ATP8B1: variants seen among roughly 807,000 people sequenced by gnomAD.
ATP8B1 encodes phospholipid-transporting ATPase IC.
A neutral mutation model predicts 149.9 loss-of-function variants in ATP8B1; 80 were observed. That is an observed-to-expected ratio of 0.53 (90% CI 0.45 to 0.64). The LOEUF is 0.64. Ranked by LOEUF, ATP8B1 falls within the 30% of genes least tolerant of loss-of-function variation. ATP8B1 has a pLI of 0.00. For missense variants in ATP8B1, 1,247 were observed against 1,552.6 expected (o/e 0.80, Z 3.31); for synonymous variants, 536 against 562.8 (o/e 0.95, Z 0.67).
intron 12 of ATP8B1, 120 bp from the exon 13 acceptor site, chr18:57,688,627 T>A: frequency 9.8e-7 from 1 of 1,015,682 alleles, no homozygotes; most frequent in Non-Finnish European, 1.5e-6. Flanking sequence ...GGTCTGAATG[T>A]TAGAATCCCC....
chr18:57,706,442 G>T, intron 3 of ATP8B1, 48 bp downstream of exon 3: 1 of 1,543,436 alleles, frequency 6.5e-7, no homozygotes, highest in Non-Finnish European at 8.9e-7. Context: ...CCAGCTACTG[G>T]AAAAAACTGC....
chr18:57,732,307 ATGTGTGTATATATG>A (rs1568044425), intron 1 of ATP8B1, among the ~76,000 whole-genome samples: 18 of 25,518 alleles, frequency 7.1e-4, no homozygotes, highest in Admixed American at 1.2e-3. Flanking sequence ...ATGTGTATAT[ATGTGTGTATATATG>A]TGTATATATG....
intron 1 of ATP8B1, among the ~76,000 whole-genome samples, chr18:57,742,761 C>CTGCA (rs1458681300): frequency 2.0e-5 from 3 of 151,474 alleles, no homozygotes; most frequent in Non-Finnish European, 2.9e-5. Flanking sequence ...GAGCTCAAGG[C>CTGCA]TGCAGTGAGT....
In ATP8B1 at chr18:57,701,233, T is replaced by C; in HGVS notation, c.474A>G (p.Lys158=). 6.2e-7 allele frequency: 1 copy of C among 1,614,204 alleles called. No homozygotes were observed. The highest frequency in any genetic ancestry group is 8.5e-7 in the Non-Finnish European group (1 of 1,180,032). The part of the protein sequence containing the change: ...LLVVLGVTAI[K]DLVDDVARHK... Reference sequence around the variant, plus strand: ...TCCTCACCACATCGTCCACCAGGTCTTTGATTGCAGTGACGCCCAGCACCA... The same window carrying C: ...TCCTCACCACATCGTCCACCAGGTCCTTGATTGCAGTGACGCCCAGCACCA... Residue 158 remains lysine, a synonymous_variant, in exon 5 of 28, where the codon AAA becomes AAG. Coordinates refer to ENST00000648908, the MANE Select transcript of ATP8B1 (RefSeq NM_001374385.1).
chr18:57,674,378 A>G (rs1911455354), intron 16 of ATP8B1, among the ~76,000 whole-genome samples: 1 of 132,902 alleles, frequency 7.5e-6, no homozygotes, highest in African/African-American at 2.8e-5. Context: ...AGAAAACAAT[A>G]CCAGTTTCTT....
chr18:57,707,476 C>A (rs778664913), intron 2 of ATP8B1, among the ~76,000 whole-genome samples: 1 of 152,062 alleles, frequency 6.6e-6, no homozygotes, highest in African/African-American at 2.4e-5. Flanking sequence ...GAGTGTGGCA[C>A]AACTATTTTT....
chr18:57,753,357 A>T (rs1432937939), intron 1 of ATP8B1, among the ~76,000 whole-genome samples: 1 of 152,252 alleles, frequency 6.6e-6, no homozygotes, highest in African/African-American at 2.4e-5. Flanking sequence ...TAAAAACAAC[A>T]TTGGCCTTGG....
intron 1 of ATP8B1, among the ~76,000 whole-genome samples, chr18:57,759,178 A>G (rs1335697365): frequency 9.1e-5 from 12 of 132,594 alleles, no homozygotes; most frequent in Non-Finnish European, 1.7e-4. Context: ...AAAAAAAAAA[A>G]AAAAGAAATC....
intron 20 of ATP8B1, among the ~76,000 whole-genome samples, chr18:57,666,487 T>C (rs1208609372): frequency 1.3e-5 from 2 of 151,710 alleles, no homozygotes; most frequent in Admixed American, 6.6e-5. Context: ...ATTAATTTGC[T>C]AGCGATATTA....
At chr18:57,722,149 A>C (rs1448223364) in intron 2 of ATP8B1, among the ~76,000 whole-genome samples, 1 of 150,924 alleles carries the variant, frequency 6.6e-6, no homozygotes, top group African/African-American at 2.5e-5. Flanking sequence ...AAAGCAGGAA[A>C]GATCCAAAAT....
intron 1 of ATP8B1, among the ~76,000 whole-genome samples, chr18:57,747,858 T>C (rs1327914272): frequency 6.6e-6 from 1 of 152,230 alleles, no homozygotes; most frequent in East Asian, 1.9e-4. Flanking sequence ...CAACTTAGAT[T>C]ACAAACTCTT....
intron 20 of ATP8B1, among the ~76,000 whole-genome samples, chr18:57,665,065 A>G (rs1910769740): frequency 6.6e-6 from 1 of 151,810 alleles, no homozygotes; most frequent in Non-Finnish European, 1.5e-5. Context: ...CAGCTGAAAC[A>G]AGCAAGTGTC....
intron 1 of ATP8B1, among the ~76,000 whole-genome samples, chr18:57,778,067 A>G (rs940740303): frequency 6.6e-5 from 10 of 152,222 alleles, no homozygotes; most frequent in Non-Finnish European, 1.2e-4. Context: ...CAACAACAGA[A>G]GCATTTACCA....
intron 1 of ATP8B1, among the ~76,000 whole-genome samples, chr18:57,795,399 T>C (rs1377236492): frequency 6.6e-6 from 1 of 152,076 alleles, no homozygotes; most frequent in Non-Finnish European, 1.5e-5. Flanking sequence ...TGAGACCTTG[T>C]CTTAAAAAAA....
At chr18:57,711,460 A>T (rs1913683483) in intron 2 of ATP8B1, among the ~76,000 whole-genome samples, 1 of 152,260 alleles carries the variant, frequency 6.6e-6, no homozygotes, top group Non-Finnish European at 1.5e-5. Context: ...GCATATATGT[A>T]CACACACGTG....
rs1259418259 is a variant in ATP8B1, at chr18:57,674,947, A to C, written c.1706T>G (p.Phe569Cys). 1 of 1,614,252 alleles carries C rather than the reference A, an allele frequency of 6.2e-7. No homozygotes were observed. The highest frequency in any genetic ancestry group is 1.1e-5 in the South Asian group (1 of 91,082). ...GATGGTGTTCTGGGTCCTGGCGAGG[A>C]AGGCAAAGCCAAAGTTCCTGGCAGC... is the stretch of plus-strand genomic sequence containing the variant. ...VNAARNFGFA[F>C]LARTQNTITI... The change falls in exon 16 of 28, where the codon TTC becomes TGC. Residue 569 changes from phenylalanine (F) to cysteine (C), a missense_variant. Coordinates refer to ENST00000648908, the MANE Select transcript of ATP8B1 (RefSeq NM_001374385.1).
At chr18:57,678,469 C>A (rs539251326) in intron 15 of ATP8B1, among the ~76,000 whole-genome samples, 1 of 152,086 alleles carries the variant, frequency 6.6e-6, no homozygotes, top group Admixed American at 6.6e-5. Flanking sequence ...CACCTGTAAT[C>A]CCAGCTACTT....
chr18:57,794,973 T>C (rs2080498853), intron 1 of ATP8B1, among the ~76,000 whole-genome samples: 1 of 152,154 alleles, frequency 6.6e-6, no homozygotes, highest in Non-Finnish European at 1.5e-5. Context: ...TGGTAATAAA[T>C]ACTATAATAC....
At chr18:57,679,529 G>A (rs1469586346) in intron 15 of ATP8B1, among the ~76,000 whole-genome samples, 1 of 152,138 alleles carries the variant, frequency 6.6e-6, no homozygotes. Context: ...TGAAATTGAT[G>A]TAATCAAAGA....
Sources: gnomAD v4.1 joint callset for allele counts (sites outside exome capture counted in the v4.1 genomes callset) on GRCh38, gnomAD v4.1.1 for gene constraint, MANE v1.5 for transcripts, NCBI Gene and HGNC (gene_info 2026-07-23, HGNC 2026-07-21) for gene names.